The following SCAMP1 variants were observed in gnomAD, a reference collection of about 807,000 sequenced individuals.
SCAMP1 encodes secretory carrier membrane protein 1.
Under a neutral mutation model 41.8 loss-of-function variants are expected in SCAMP1, and 15 were observed. The observed-to-expected ratio is 0.36, with a 90% CI of 0.24 to 0.55. The LOEUF (loss-of-function observed/expected upper bound fraction) is 0.55, where lower values mean the gene tolerates loss of function less well. Among genes scored for constraint, SCAMP1 ranks in the 20% least tolerant of loss-of-function variants. The pLI is 0.86. For missense variants in SCAMP1, 341 were observed against 412.6 expected (o/e 0.83, Z 1.50); for synonymous variants, 135 against 136.8 (o/e 0.99, Z 0.09).
intron 7 of SCAMP1, among the ~76,000 whole-genome samples, chr5:78,454,019 TG>T (rs1362594466): frequency 6.6e-6 from 1 of 152,254 alleles, no homozygotes; most frequent in Non-Finnish European, 1.5e-5. Context: ...TTGTGATTTT[TG>T]CACATTGATT....
chr5:78,366,816 A>G (rs930953600), intron 1 of SCAMP1, among the ~76,000 whole-genome samples: 52 of 151,698 alleles, frequency 3.4e-4, no homozygotes, highest in African/African-American at 1.2e-3. Flanking sequence ...TGAGACTTCC[A>G]TCTCTACTAA....
intron 6 of SCAMP1, among the ~76,000 whole-genome samples, chr5:78,434,680 A>T (rs912410339): frequency 6.6e-6 from 1 of 152,254 alleles, no homozygotes; most frequent in East Asian, 1.9e-4. Flanking sequence ...TTTAAAGGTA[A>T]ACCTGTTTGT....
At chr5:78,428,703 G>C (rs538224675) in intron 6 of SCAMP1, among the ~76,000 whole-genome samples, 2 of 152,204 alleles carry the variant, frequency 1.3e-5, no homozygotes, top group Admixed American at 1.3e-4. Flanking sequence ...CTGTAAGCCA[G>C]TTTGGGGAGA....
chr5:78,406,367 T>TGG (rs1243684885), intron 2 of SCAMP1, among the ~76,000 whole-genome samples: 1 of 152,204 alleles, frequency 6.6e-6, no homozygotes, highest in Non-Finnish European at 1.5e-5. Context: ...ACACTTTGGC[T>TGG]GTTTTTTGGT....
At chr5:78,400,942 T>C (rs1751783750) in intron 2 of SCAMP1, among the ~76,000 whole-genome samples, 1 of 152,198 alleles carries the variant, frequency 6.6e-6, no homozygotes, top group Non-Finnish European at 1.5e-5. Context: ...AAGCTTCTAG[T>C]TTCTCACCAA....
At chr5:78,421,141 A>G (rs1752329591) in intron 5 of SCAMP1, among the ~76,000 whole-genome samples, 1 of 152,214 alleles carries the variant, frequency 6.6e-6, no homozygotes, top group South Asian at 2.1e-4. Context: ...TTAACAGCAT[A>G]TGATGAATTT....
At chr5:78,469,513 A>G (rs1024299000) in intron 8 of SCAMP1, among the ~76,000 whole-genome samples, 1 of 151,640 alleles carries the variant, frequency 6.6e-6, no homozygotes, top group Admixed American at 6.6e-5. Context: ...TAATTTTGTT[A>G]CCTTTTTCAA....
chr5:78,362,115 AATT>A (rs1002444868), intron 1 of SCAMP1, among the ~76,000 whole-genome samples: 1 of 151,742 alleles, frequency 6.6e-6, no homozygotes, highest in Non-Finnish European at 1.5e-5. Context: ...GTTTTGTTTC[AATT>A]AGTATTGGAC....
At chr5:78,369,935 G>T (rs1408968746) in intron 1 of SCAMP1, among the ~76,000 whole-genome samples, 1 of 152,204 alleles carries the variant, frequency 6.6e-6, no homozygotes, top group African/African-American at 2.4e-5. Flanking sequence ...AAAGGTACTT[G>T]TCCAAAGCAG....
intron 6 of SCAMP1, among the ~76,000 whole-genome samples, chr5:78,442,120 C>T (rs1019969997): frequency 6.6e-6 from 1 of 151,816 alleles, no homozygotes; most frequent in Non-Finnish European, 1.5e-5. Context: ...CATAGTAAGA[C>T]CTTGTCTCAA....
intron 1 of SCAMP1, among the ~76,000 whole-genome samples, chr5:78,386,449 T>C (rs1213553866): frequency 6.6e-6 from 1 of 152,188 alleles, no homozygotes; most frequent in Non-Finnish European, 1.5e-5. Flanking sequence ...CCATTTACAA[T>C]CAACGTTATT....
At chr5:78,448,455 C>T (rs983814484) in intron 6 of SCAMP1, among the ~76,000 whole-genome samples, 1 of 151,784 alleles carries the variant, frequency 6.6e-6, no homozygotes, top group African/African-American at 2.4e-5. Context: ...CACAACTCAA[C>T]GATAAAGGAA....
intron 8 of SCAMP1, among the ~76,000 whole-genome samples, chr5:78,474,090 G>A (rs1016421453): frequency 2.0e-5 from 3 of 151,768 alleles, no homozygotes; most frequent in South Asian, 2.1e-4. Context: ...TTTTGGAGAC[G>A]TATATTGCCC....
At chr5:78,406,365 G>A (rs1029505491) in intron 2 of SCAMP1, among the ~76,000 whole-genome samples, 2 of 152,138 alleles carry the variant, frequency 1.3e-5, no homozygotes, top group African/African-American at 2.4e-5. Flanking sequence ...ATACACTTTG[G>A]CTGTTTTTTG....
At chr5:78,435,865 C>T (rs1580693414) in intron 6 of SCAMP1, among the ~76,000 whole-genome samples, 1 of 152,212 alleles carries the variant, frequency 6.6e-6, no homozygotes, top group Non-Finnish European at 1.5e-5. Context: ...TTTCTTATTT[C>T]TCCACATCCT....
chr5:78,472,451 T>C (rs1381180399), intron 8 of SCAMP1, among the ~76,000 whole-genome samples: 3 of 151,902 alleles, frequency 2.0e-5, no homozygotes, highest in Admixed American at 2.0e-4. Flanking sequence ...GTCAAAACCT[T>C]GTCCCTGATA....
At chr5:78,377,203 A>G (rs1375666099) in intron 1 of SCAMP1, among the ~76,000 whole-genome samples, 1 of 152,128 alleles carries the variant, frequency 6.6e-6, no homozygotes, top group Non-Finnish European at 1.5e-5. Flanking sequence ...AACAGTAACC[A>G]TATTTATTGG....
At chr5:78,384,304 A>G (rs1251764448) in intron 1 of SCAMP1, among the ~76,000 whole-genome samples, 1 of 147,078 alleles carries the variant, frequency 6.8e-6, no homozygotes, top group Admixed American at 6.9e-5. Flanking sequence ...CAAATGTTTT[A>G]GTTTCCTGAA....
intron 1 of SCAMP1, among the ~76,000 whole-genome samples, chr5:78,381,078 A>AG (rs1751194801): frequency 6.6e-6 from 1 of 151,898 alleles, no homozygotes; most frequent in African/African-American, 2.4e-5. Flanking sequence ...AAAAAAAAAA[A>AG]CTGTTTCTTG....
Sources: gnomAD v4.1 joint callset for allele counts (sites outside exome capture counted in the v4.1 genomes callset) on GRCh38, gnomAD v4.1.1 for gene constraint, MANE v1.5 for transcripts, NCBI Gene and HGNC (gene_info 2026-07-23, HGNC 2026-07-21) for gene names.